Variants in GNB1 observed in about 807,000 individuals in gnomAD.
GNB1 encodes the protein G protein subunit beta 1, also known as guanine nucleotide-binding protein G(I)/G(S)/G(T) subunit beta-1.
GNB1 carries 2 observed loss-of-function variants against 42.9 expected under a neutral mutation model. The observed-to-expected ratio is 0.05, with a 90% CI of 0.02 to 0.15. The LOEUF (loss-of-function observed/expected upper bound fraction) is 0.15, where lower values mean the gene tolerates loss of function less well. GNB1 is among the 10% of genes least tolerant of loss of function. The pLI, the probability that GNB1 is intolerant of heterozygous loss-of-function variation, is 1.00. For missense variants in GNB1, 193 were observed against 462.2 expected, an observed-to-expected ratio of 0.42 and a Z score of 5.34; for synonymous variants, 183 against 174.7, an observed-to-expected ratio of 1.05 and a Z score of -0.38.
At chr1:1,804,363 A>G (rs771130874) in intron 7 of GNB1, 56 bp downstream of exon 7, 14 of 1,174,106 alleles carry the variant, frequency 1.2e-5, no homozygotes, top group Non-Finnish European at 1.8e-5. Context: ...AAAGCATATA[A>G]TGTACCCCAG....
At chr1:1,817,785 G>T in intron 4 of GNB1, 52 bp downstream of exon 4, 1 of 1,372,678 alleles carries the variant, frequency 7.3e-7, no homozygotes. Context: ...TGTGGGTGCC[G>T]TGCTAGCCTC....
At chr1:1,875,017 G>A (rs1649463500) in intron 1 of GNB1, among the ~76,000 whole-genome samples, 1 of 152,118 alleles carries the variant, frequency 6.6e-6, no homozygotes, top group Non-Finnish European at 1.5e-5. Flanking sequence ...CGCGTGTGCA[G>A]TTCATGACGG....
At chr1:1,841,220 ACT>A (rs1307539939) in intron 1 of GNB1, among the ~76,000 whole-genome samples, 1 of 147,676 alleles carries the variant, frequency 6.8e-6, no homozygotes, top group Admixed American at 6.8e-5. Flanking sequence ...ACAGATTCTC[ACT>A]CTGTCACCCT....
At chr1:1,804,306 A>ATAAT (rs538570201) in intron 7 of GNB1, 113 bp downstream of exon 7, 2 of 757,878 alleles carry the variant, frequency 2.6e-6, no homozygotes, top group Admixed American at 2.6e-5. Flanking sequence ...CTCAAAAAAA[A>ATAAT]TAATTAATTA....
chr1:1,804,961 A>G (rs1489039455), intron 6 of GNB1, among the ~76,000 whole-genome samples: 1 of 151,880 alleles, frequency 6.6e-6, no homozygotes, highest in Non-Finnish European at 1.5e-5. Flanking sequence ...GGAGTTCAAG[A>G]CCAGCTTAGC....
chr1:1,823,836 G>C (rs1472479755), intron 3 of GNB1, among the ~76,000 whole-genome samples: 1 of 152,098 alleles, frequency 6.6e-6, no homozygotes. Context: ...TCCTTGCACT[G>C]GAGTCAGAAA....
chr1:1,834,953 C>T (rs1011200880), intron 2 of GNB1, among the ~76,000 whole-genome samples: 1 of 152,122 alleles, frequency 6.6e-6, no homozygotes, highest in Admixed American at 6.6e-5. Context: ...CAGGCGTGAG[C>T]CACTGCACCC....
intron 1 of GNB1, among the ~76,000 whole-genome samples, chr1:1,866,067 T>G (rs1330777450): frequency 6.6e-6 from 1 of 152,132 alleles, no homozygotes; most frequent in African/African-American, 2.4e-5. Context: ...GCCTCCCAAG[T>G]AGCTGGGATT....
chr1:1,837,753 C>T (rs767467033), intron 2 of GNB1, among the ~76,000 whole-genome samples: 2 of 151,254 alleles, frequency 1.3e-5, no homozygotes, highest in Non-Finnish European at 2.9e-5. Flanking sequence ...TTCGTAGAGA[C>T]GGGGTTTCAC....
chr1:1,800,197 AG>A (rs1409412469), intron 7 of GNB1, among the ~76,000 whole-genome samples: 1 of 152,236 alleles, frequency 6.6e-6, no homozygotes, highest in Non-Finnish European at 1.5e-5. Flanking sequence ...GAGATCCACA[AG>A]GACCAACCTC....
At chr1:1,859,911 G>A (rs1211914133) in intron 1 of GNB1, among the ~76,000 whole-genome samples, 4 of 151,978 alleles carry the variant, frequency 2.6e-5, no homozygotes, top group Non-Finnish European at 5.9e-5. Flanking sequence ...TGGGGTGGGG[G>A]GAGAGGGGAC....
intron 1 of GNB1, among the ~76,000 whole-genome samples, chr1:1,883,999 CTT>C (rs947495628): frequency 6.9e-6 from 1 of 144,692 alleles, no homozygotes; most frequent in Non-Finnish European, 1.5e-5. Flanking sequence ...GAGTTTCACT[CTT>C]GTTGCCCAGG....
chr1:1,787,397 G>A lies in GNB1; in HGVS notation c.957C>T (p.Gly319=), dbSNP rs779312189. The change falls in exon 11 of 12, where the codon GGC becomes GGT. Residue 319 remains glycine, a synonymous_variant. Coordinates refer to ENST00000378609, the MANE Select transcript of GNB1 (RefSeq NM_002074.5). This position sits in a 1 kb window ranked among gnomAD's most constrained non-coding sequence, Gnocchi z 4.4. ...AGHDNRVSCL[G]VTDDGMAVAT... ...CCACAGCCATGCCATCGTCAGTCAC[G>A]CCCAGGCAGCTGACGCGGTTGTCAT... 2.0e-5 allele frequency: 32 copies of A among 1,613,364 alleles called. No homozygotes were observed. Among genetic ancestry groups the A allele is most frequent in the East Asian group, 1.8e-4 (8 of 44,878 alleles).
intron 1 of GNB1, among the ~76,000 whole-genome samples, chr1:1,852,433 T>C (rs2101533840): frequency 6.6e-6 from 1 of 152,214 alleles, no homozygotes; most frequent in South Asian, 2.1e-4. Context: ...TGTTTCACGA[T>C]GTTAGCCAGG....
At chr1:1,801,317 C>T (rs535435197) in intron 7 of GNB1, among the ~76,000 whole-genome samples, 99 of 152,300 alleles carry the variant, frequency 6.5e-4, no homozygotes, top group Non-Finnish European at 1.2e-3. Context: ...CGTGAGCCAA[C>T]CATGCCCAGC....
intron 1 of GNB1, among the ~76,000 whole-genome samples, chr1:1,841,530 CTA>C (rs1319261802): frequency 1.3e-5 from 2 of 152,156 alleles, no homozygotes; most frequent in Non-Finnish European, 2.9e-5. Context: ...TCAAATTAAA[CTA>C]TGTGAAAAGA....
At chr1:1,841,545 A>G (rs1190295006) in intron 1 of GNB1, among the ~76,000 whole-genome samples, 3 of 152,194 alleles carry the variant, frequency 2.0e-5, no homozygotes, top group Admixed American at 1.3e-4. Flanking sequence ...TGAAAAGACC[A>G]CTTGTGGAGG....
At chr1:1,842,994 G>A (rs567019993) in intron 1 of GNB1, among the ~76,000 whole-genome samples, 4 of 152,194 alleles carry the variant, frequency 2.6e-5, no homozygotes, top group Non-Finnish European at 5.9e-5. Flanking sequence ...GTGTGTGTGT[G>A]TCCCCAGGAG....
At chr1:1,869,296 CCATT>C (rs1468840653) in intron 1 of GNB1, among the ~76,000 whole-genome samples, 2 of 151,830 alleles carry the variant, frequency 1.3e-5, no homozygotes, top group Non-Finnish European at 2.9e-5. Context: ...TGTTATCTGA[CCATT>C]CATTATCTCA....
Sources: allele counts gnomAD v4.1 joint callset (sites outside exome capture counted in the v4.1 genomes callset), GRCh38; gene constraint gnomAD v4.1.1; non-coding constraint Gnocchi (gnomAD v3.1); transcripts MANE v1.5; gene names NCBI Gene and HGNC (gene_info 2026-07-23, HGNC 2026-07-21).